The following DNAH7 variants were observed in gnomAD, a reference collection of about 807,000 sequenced individuals.
DNAH7 encodes the protein dynein axonemal heavy chain 7.
Under a neutral mutation model 444.6 loss-of-function variants are expected in DNAH7, and 397 were observed. That is an observed-to-expected ratio of 0.89 (90% CI 0.82 to 0.97). The LOEUF (loss-of-function observed/expected upper bound fraction) is 0.97. DNAH7 is among the 50% of genes least tolerant of loss of function. The pLI is 0.00. For missense variants in DNAH7, 4,902 were observed against 4,800.8 expected (o/e 1.02, Z -0.62); for synonymous variants, 1,636 against 1,624.4 (o/e 1.01, Z -0.17).
chr2:195,915,110 A>G (rs1687593121), intron 24 of DNAH7, among the ~76,000 whole-genome samples: 1 of 152,194 alleles, frequency 6.6e-6, no homozygotes, highest in Non-Finnish European at 1.5e-5. Flanking sequence ...ATAGGGCACA[A>G]TCTTTGTCCA....
At chr2:195,824,900 C>G (rs1279976590) in intron 48 of DNAH7, 1 of 152,632 alleles carries the variant, frequency 6.6e-6, no homozygotes, top group Non-Finnish European at 1.5e-5. Context: ...GAAAACTGCT[C>G]CTAATTAGAT....
chr2:195,995,009 A>C, intron 12 of DNAH7: 1 of 262,062 alleles, frequency 3.8e-6, no homozygotes, highest in East Asian at 1.1e-4. Context: ...GGCTCACTGC[A>C]ACCTCCACCT....
intron 5 of DNAH7, among the ~76,000 whole-genome samples, chr2:196,047,133 G>C (rs940923885): frequency 6.6e-6 from 1 of 152,134 alleles, no homozygotes. Context: ...CCAACATTAA[G>C]TATTAACATT....
intron 61 of DNAH7, among the ~76,000 whole-genome samples, chr2:195,765,144 C>G (rs1694513612): frequency 6.6e-6 from 1 of 152,084 alleles, no homozygotes; most frequent in South Asian, 2.1e-4. Flanking sequence ...TTGACAGTCT[C>G]TTCAATAAAT....
chr2:196,017,537 A>C (rs899738489), intron 9 of DNAH7, among the ~76,000 whole-genome samples: 1 of 150,884 alleles, frequency 6.6e-6, no homozygotes, highest in African/African-American at 2.4e-5. Flanking sequence ...AGCACATGCC[A>C]TAGAGTCACC....
chr2:195,787,872 G>A (rs73062139), intron 57 of DNAH7, among the ~76,000 whole-genome samples: 9,222 of 152,168 alleles, frequency 0.061, 380 homozygotes, highest in African/African-American at 0.12. Flanking sequence ...AGGAGCAGAC[G>A]GAGAGTGTGG....
At chr2:196,052,910 A>G (rs930769457) in intron 2 of DNAH7, among the ~76,000 whole-genome samples, 16 of 152,180 alleles carry the variant, frequency 1.1e-4, no homozygotes, top group African/African-American at 3.9e-4. Context: ...TAACTCAACA[A>G]TGGTTCACCA....
Position 196,012,863 on chromosome 2 carries a change from C to A in DNAH7, c.913G>T (p.Asp305Tyr), listed in dbSNP as rs780887496. 1.3e-6 allele frequency: 2 copies of A among 1,538,270 alleles called. No individual in the cohort carries two copies. Among genetic ancestry groups the A allele is most frequent in the South Asian group, 2.6e-5 (2 of 76,698 alleles). Reference sequence around the variant, plus strand: ...TGAAAACTTGACAGCTCTAATGCATCCTGGCAATTATGAAATTCTTTGATA... The same window carrying A: ...TGAAAACTTGACAGCTCTAATGCATACTGGCAATTATGAAATTCTTTGATA... ...VDIKEFHNCQ[D>Y]ALELSSFQNI... The change falls in exon 10 of 65, where the codon GAT becomes TAT. Residue 305 changes from aspartate (D) to tyrosine (Y), a missense_variant. Physicochemically the swap from Asp to Tyr is radical, Grantham distance 160. Coordinates refer to ENST00000312428, the MANE Select transcript of DNAH7 (RefSeq NM_018897.3).
At chr2:195,835,689 C>T (rs1698334043) in intron 47 of DNAH7, among the ~76,000 whole-genome samples, 1 of 151,758 alleles carries the variant, frequency 6.6e-6, no homozygotes, top group African/African-American at 2.4e-5. Context: ...ACTAAAAATA[C>T]AAAAATTAGC....
chr2:195,918,088 A>T lies in DNAH7; in HGVS notation c.3935+4000T>A, dbSNP rs1458219568. On this transcript the variant is annotated intron_variant, in intron 24 of 64. Coordinates refer to ENST00000312428, the MANE Select transcript of DNAH7 (RefSeq NM_018897.3). ...GTACAAAGAACACTTAAAACTTAACAAAAGAAAAATAAACAACCCAATTAC... is the reference window on the plus strand; with the variant it reads ...GTACAAAGAACACTTAAAACTTAACTAAAGAAAAATAAACAACCCAATTAC... Among the ~76,000 whole-genome samples the T allele has an allele frequency of 2.6e-5, 4 of 152,378 alleles. No homozygotes were observed. In the East Asian group the frequency reaches 7.7e-4, roughly 29 times the overall value.
intron 47 of DNAH7, among the ~76,000 whole-genome samples, chr2:195,844,001 C>T (rs1698838041): frequency 6.6e-6 from 1 of 151,936 alleles, no homozygotes; most frequent in Non-Finnish European, 1.5e-5. Flanking sequence ...GAGGCTGAGG[C>T]AGGAAAATGT....
intron 27 of DNAH7, chr2:195,903,956 C>A (rs184434164): frequency 1.3e-5 from 2 of 152,182 alleles, no homozygotes; most frequent in East Asian, 3.9e-4. Flanking sequence ...AGGATTAATA[C>A]CCAGGGTTTA....
intron 25 of DNAH7, among the ~76,000 whole-genome samples, chr2:195,908,137 T>C (rs546121176): frequency 7.9e-5 from 12 of 152,126 alleles, no homozygotes; most frequent in Non-Finnish European, 1.8e-4. Flanking sequence ...CTGAGCAATA[T>C]ATACCAGACA....
At chr2:195,790,213 G>A (rs1221662970) in intron 57 of DNAH7, among the ~76,000 whole-genome samples, 3 of 152,092 alleles carry the variant, frequency 2.0e-5, no homozygotes, top group Non-Finnish European at 4.4e-5. Context: ...CATGCTCATG[G>A]ACTGGAAGAA....
intron 25 of DNAH7, among the ~76,000 whole-genome samples, chr2:195,907,263 A>T (rs1687086705): frequency 6.6e-6 from 1 of 152,028 alleles, no homozygotes; most frequent in Non-Finnish European, 1.5e-5. Context: ...GCATTTAGAC[A>T]TACACCTATA....
At chr2:196,004,962 CAAAAA>C (rs60564090) in intron 10 of DNAH7, among the ~76,000 whole-genome samples, 4 of 63,650 alleles carry the variant, frequency 6.3e-5, no homozygotes, top group Non-Finnish European at 6.7e-5. Flanking sequence ...GGCCTTGTGT[CAAAAA>C]AAAAAAAAAA....
chr2:195,981,774 A>G (rs1171830337), intron 15 of DNAH7, among the ~76,000 whole-genome samples: 1 of 152,214 alleles, frequency 6.6e-6, no homozygotes, highest in Non-Finnish European at 1.5e-5. Context: ...CAGAAGAATG[A>G]TACTAGACCT....
At chr2:195,966,285 A>G (rs1305224318) in intron 17 of DNAH7, among the ~76,000 whole-genome samples, 1 of 152,122 alleles carries the variant, frequency 6.6e-6, no homozygotes, top group Non-Finnish European at 1.5e-5. Flanking sequence ...ATTAATTTCT[A>G]GTTTTATTCC....
intron 48 of DNAH7, among the ~76,000 whole-genome samples, chr2:195,825,851 A>G (rs1361490234): frequency 2.6e-5 from 4 of 152,172 alleles, no homozygotes; most frequent in Non-Finnish European, 5.9e-5. Flanking sequence ...AAGTGCAGAC[A>G]TATTTTCTCC....
Sources: allele counts gnomAD v4.1 joint callset (sites outside exome capture counted in the v4.1 genomes callset), GRCh38; gene constraint gnomAD v4.1.1; transcripts MANE v1.5; gene names NCBI Gene and HGNC (gene_info 2026-07-23, HGNC 2026-07-21).